The following ZNF385D variants were observed in gnomAD, a reference collection of about 807,000 sequenced individuals.
The protein encoded by ZNF385D is zinc finger protein 385D, also known as zinc finger protein 659.
Under a neutral mutation model 35.8 loss-of-function variants are expected in ZNF385D, and 15 were observed. That is an observed-to-expected ratio of 0.42 (90% CI 0.28 to 0.64). The LOEUF is 0.64. Ranked by LOEUF, ZNF385D falls within the 30% of genes least tolerant of loss-of-function variation. The pLI is 0.23. For synonymous variants in ZNF385D, 212 were observed against 186.8 expected (o/e 1.13, Z -1.10); for missense variants, 474 against 494.6 (o/e 0.96, Z 0.39).
At chr3:21,827,220 G>A (rs912483929) in intron 3 of ZNF385D, among the ~76,000 whole-genome samples, 3 of 152,106 alleles carry the variant, frequency 2.0e-5, no homozygotes, top group East Asian at 1.9e-4. Flanking sequence ...CCTCCCTCAG[G>A]AATTGACAGT....
At chr3:22,161,738 G>T (rs1032841647) in intron 3 of ZNF385D, among the ~76,000 whole-genome samples, 2 of 152,132 alleles carry the variant, frequency 1.3e-5, no homozygotes, top group African/African-American at 2.4e-5. Flanking sequence ...AATATTCTCA[G>T]CAGTTAGAGT....
chr3:22,066,687 G>C (rs1699980656), intron 3 of ZNF385D, among the ~76,000 whole-genome samples: 4 of 151,828 alleles, frequency 2.6e-5, no homozygotes, highest in Admixed American at 2.6e-4. Context: ...GGTTAGAAGA[G>C]GAAAATCTAG....
chr3:21,879,040 G>A (rs998931133), intron 3 of ZNF385D, among the ~76,000 whole-genome samples: 1 of 151,974 alleles, frequency 6.6e-6, no homozygotes, highest in South Asian at 2.1e-4. Flanking sequence ...GAAAAAATAT[G>A]TGCCTTTGTT....
chr3:21,815,850 T>C (rs2073124134), intron 3 of ZNF385D, among the ~76,000 whole-genome samples: 2 of 152,164 alleles, frequency 1.3e-5, no homozygotes, highest in Admixed American at 1.3e-4. Flanking sequence ...ATCATTCTGA[T>C]ACCAACGCCT....
intron 2 of ZNF385D, among the ~76,000 whole-genome samples, chr3:22,257,905 C>T (rs561892947): frequency 6.6e-6 from 1 of 151,856 alleles, no homozygotes; most frequent in African/African-American, 2.4e-5. Context: ...AATTAGGTTA[C>T]CAATGCTACA....
intron 4 of ZNF385D, among the ~76,000 whole-genome samples, chr3:21,462,305 T>C (rs1703229049): frequency 6.6e-6 from 1 of 152,202 alleles, no homozygotes; most frequent in South Asian, 2.1e-4. Flanking sequence ...CTCCAGAATT[T>C]AGGAACTTAA....
At chr3:22,317,280 C>CCAAAAAAAAAAAAAAAAAA (rs762613629) in intron 2 of ZNF385D, among the ~76,000 whole-genome samples, 1 of 26,098 alleles carries the variant, frequency 3.8e-5, no homozygotes, top group African/African-American at 1.7e-4. Flanking sequence ...ACTCCATCTC[C>CCAAAAAAAAAAAAAAAAAA]AAAAAAAAAA....
rs34764620 is a variant in ZNF385D, at chr3:21,651,123, C to CA, written c.165+13762dup. Among the ~76,000 whole-genome samples the CA allele has an allele frequency of 6.3e-3, 885 of 140,626 alleles. 11 individuals are homozygous for CA. The highest frequency in any genetic ancestry group is 0.021 in the African/African-American group (782 of 37,946). 92.3% of individuals were successfully genotyped at this position (140,626 alleles called of 152,430 possible). A position where few individuals can be genotyped will look rare whatever the true frequency, so the allele number is the denominator to read the frequency against. On this transcript the variant is annotated intron_variant, in intron 2 of 7. Transcript: ENST00000281523. ...TGAAACCCCGTCTCTACTAAAAATA[C>CA]AAAAAAAAAAAAAAATCAGCTGGGT...
Position 21,421,177 on chromosome 3 carries a change from G to T in ZNF385D, c.*37C>A. On this transcript the variant is annotated 3_prime_UTR_variant, in exon 8 of 8. Transcript: ENST00000281523. Reference sequence around the variant, plus strand: ...TTGTTTGTTTTGTTTTTTGTTTTTTGAAAAATTATTGCAGTACAATTACTC... The same window carrying T: ...TTGTTTGTTTTGTTTTTTGTTTTTTTAAAAATTATTGCAGTACAATTACTC... The T allele has an allele frequency of 1.3e-6, 2 of 1,557,260 alleles. No homozygotes were observed. The highest frequency in any genetic ancestry group is 1.4e-5 in the African/African-American group (1 of 72,636).
intron 3 of ZNF385D, among the ~76,000 whole-genome samples, chr3:21,532,544 G>T (rs892794777): frequency 1.3e-5 from 2 of 152,032 alleles, no homozygotes; most frequent in African/African-American, 4.8e-5. Context: ...TGTCTCCAAC[G>T]TAAATTTCAA....
At chr3:21,994,174 C>A (rs1695320647) in intron 3 of ZNF385D, among the ~76,000 whole-genome samples, 2 of 152,258 alleles carry the variant, frequency 1.3e-5, no homozygotes, top group Non-Finnish European at 2.9e-5. Context: ...CAGGTGTGTT[C>A]CTGGACATCT....
chr3:21,602,699 A>AT (rs551180104), intron 2 of ZNF385D, among the ~76,000 whole-genome samples: 4,711 of 145,694 alleles, frequency 0.032, 281 homozygotes, highest in African/African-American at 0.12. Context: ...CGCCCGGCTA[A>AT]TTTTTTTGTA....
chr3:21,653,166 A>T (rs2065968776), intron 2 of ZNF385D, among the ~76,000 whole-genome samples: 1 of 152,126 alleles, frequency 6.6e-6, no homozygotes, highest in Non-Finnish European at 1.5e-5. Context: ...TACATTTTGC[A>T]ACTGGTGTTT....
chr3:21,980,559 C>T (rs1576072277), intron 3 of ZNF385D, among the ~76,000 whole-genome samples: 1 of 152,226 alleles, frequency 6.6e-6, no homozygotes, highest in South Asian at 2.1e-4. Context: ...CCATATGGTT[C>T]AACCTTCCTT....
intron 3 of ZNF385D, among the ~76,000 whole-genome samples, chr3:21,978,004 A>G (rs1273384934): frequency 6.6e-6 from 1 of 152,204 alleles, no homozygotes; most frequent in Non-Finnish European, 1.5e-5. Flanking sequence ...CAAAGGAAAG[A>G]ACTAGATACA....
chr3:22,023,174 T>C (rs1697326649), intron 3 of ZNF385D, among the ~76,000 whole-genome samples: 1 of 151,986 alleles, frequency 6.6e-6, no homozygotes, highest in South Asian at 2.1e-4. Flanking sequence ...ATTGAAGTAA[T>C]GATGGTAGAA....
At chr3:21,634,477 T>G (rs2065372536) in intron 2 of ZNF385D, among the ~76,000 whole-genome samples, 1 of 152,114 alleles carries the variant, frequency 6.6e-6, no homozygotes, top group Non-Finnish European at 1.5e-5. Context: ...AAATCTATCA[T>G]GCTCAAACTC....
chr3:22,232,530 C>CCCT (rs1698955145), intron 2 of ZNF385D, among the ~76,000 whole-genome samples: 2 of 152,228 alleles, frequency 1.3e-5, no homozygotes, highest in South Asian at 4.1e-4. Context: ...CTAATGCTAT[C>CCCT]CCTCCTCTAG....
chr3:22,152,434 G>C (rs1462413009), intron 3 of ZNF385D, among the ~76,000 whole-genome samples: 1 of 152,076 alleles, frequency 6.6e-6, no homozygotes, highest in African/African-American at 2.4e-5. Flanking sequence ...ATACAGTTCT[G>C]AGGTCAGAAG....
Sources: allele counts gnomAD v4.1 joint callset (sites outside exome capture counted in the v4.1 genomes callset), GRCh38; gene constraint gnomAD v4.1.1; transcripts MANE v1.5; gene names NCBI Gene and HGNC (gene_info 2026-07-23, HGNC 2026-07-21).